The following NEXMIF variants were observed in gnomAD, a reference collection of about 807,000 sequenced individuals.
The protein encoded by NEXMIF is XLMR protein related to neurite extension.
A neutral mutation model predicts 62.1 loss-of-function variants in NEXMIF; 8 were observed. The observed-to-expected ratio is 0.13, with a 90% CI of 0.08 to 0.23. The LOEUF (loss-of-function observed/expected upper bound fraction) is 0.23. NEXMIF is among the 10% of genes least tolerant of loss of function. The probability of loss-of-function intolerance (pLI) is 1.00; values close to 1 mark genes in which losing one functional copy is unlikely to be tolerated. For missense variants in NEXMIF, 976 were observed against 1,113.3 expected (o/e 0.88, Z 1.75); for synonymous variants, 404 against 416.6 (o/e 0.97, Z 0.37).
At chrX:74,856,808 T>TC (rs2080536699) in intron 1 of NEXMIF, among the ~76,000 whole-genome samples, 2 of 111,782 alleles carry the variant, frequency 1.8e-5, no homozygotes, top group South Asian at 7.6e-4. Context: ...CCTCCCCCAT[T>TC]CCCCCAGCAG....
At chrX:74,827,528 C>T (rs1377941789) in intron 1 of NEXMIF, among the ~76,000 whole-genome samples, 1 of 112,339 alleles carries the variant, frequency 8.9e-6, no homozygotes, top group Non-Finnish European at 1.9e-5. Context: ...GCCTTAGTTT[C>T]ATTGCCCAGG....
At chrX:74,919,559 T>C (rs1163688447) in intron 1 of NEXMIF, among the ~76,000 whole-genome samples, 1 of 111,444 alleles carries the variant, frequency 9.0e-6, no homozygotes, top group African/African-American at 3.3e-5. Flanking sequence ...TCACTCTACT[T>C]ATAGTCCTCC....
chrX:74,788,299 A>T (rs2080267085), intron 1 of NEXMIF, among the ~76,000 whole-genome samples: 1 of 112,020 alleles, frequency 8.9e-6, no homozygotes, highest in African/African-American at 3.2e-5. Context: ...CAGATTTATT[A>T]ATGTATGATG....
intron 1 of NEXMIF, among the ~76,000 whole-genome samples, chrX:74,796,701 C>T (rs1010785248): frequency 4.5e-5 from 5 of 110,956 alleles, no homozygotes; most frequent in African/African-American, 1.6e-4. Context: ...AAGGTAGTAT[C>T]GGATTAAAGC....
intron 1 of NEXMIF, among the ~76,000 whole-genome samples, chrX:74,877,226 T>G (rs1462915154): frequency 2.7e-5 from 3 of 110,857 alleles, no homozygotes; most frequent in South Asian, 7.7e-4. Flanking sequence ...ATCTGTAAAG[T>G]ATTTTATTTC....
chrX:74,810,539 C>A (rs1326586209), intron 1 of NEXMIF, among the ~76,000 whole-genome samples: 2 of 108,446 alleles, frequency 1.8e-5, no homozygotes, highest in African/African-American at 3.4e-5. Context: ...GCTTGTAATC[C>A]CAGCTCTTTG....
intron 1 of NEXMIF, among the ~76,000 whole-genome samples, chrX:74,792,215 C>A (rs1401338373): frequency 9.0e-6 from 1 of 111,494 alleles, no homozygotes; most frequent in East Asian, 2.8e-4. Context: ...TTTATTTCTG[C>A]CTTCATTTCG....
At chrX:74,844,000 T>A (rs1048065533) in intron 1 of NEXMIF, among the ~76,000 whole-genome samples, 20 of 112,167 alleles carry the variant, frequency 1.8e-4, no homozygotes, top group African/African-American at 6.2e-4. Flanking sequence ...CCTCAACATT[T>A]GCTTATCTGA....
chrX:74,859,199 C>G, intron 1 of NEXMIF, among the ~76,000 whole-genome samples: 1 of 110,974 alleles, frequency 9.0e-6, no homozygotes, highest in East Asian at 2.8e-4. Context: ...CAAAAGAATA[C>G]CTCAAAGCAT....
intron 1 of NEXMIF, among the ~76,000 whole-genome samples, chrX:74,851,081 C>A (rs745922827): frequency 9.2e-6 from 1 of 108,638 alleles, no homozygotes; most frequent in African/African-American, 3.3e-5. Context: ...AAAAAAAATA[C>A]ATTCTAAAGC....
chrX:74,914,674 C>T (rs767967931), intron 1 of NEXMIF, among the ~76,000 whole-genome samples: 21 of 111,430 alleles, frequency 1.9e-4, no homozygotes, highest in Admixed American at 1.1e-3. Flanking sequence ...GAGAAAGTCT[C>T]CGCCCCACTC....
intron 1 of NEXMIF, among the ~76,000 whole-genome samples, chrX:74,775,403 G>A (rs775642472): frequency 3.6e-5 from 4 of 111,724 alleles, no homozygotes; most frequent in Admixed American, 9.5e-5. Flanking sequence ...AGACAGAGCC[G>A]TAAATATGAT....
chrX:74,905,897 C>T (rs6647571), intron 1 of NEXMIF, among the ~76,000 whole-genome samples: 16,275 of 111,288 alleles, frequency 0.15, 1,788 homozygotes, highest in East Asian at 0.91. Flanking sequence ...ATTTCTTTTC[C>T]CTATTTTTCA....
At chrX:74,858,819 G>T (rs1282565740) in intron 1 of NEXMIF, among the ~76,000 whole-genome samples, 2 of 109,761 alleles carry the variant, frequency 1.8e-5, no homozygotes, top group African/African-American at 6.6e-5. Context: ...CAAAGAGATT[G>T]AAATAATTAA....
Position 74,741,632 on chromosome X carries a change from G to A in NEXMIF, c.2925C>T (p.Cys975=). 1 of 1,211,463 alleles carries A rather than the reference G, an allele frequency of 8.3e-7. No individual in the cohort carries two copies. Among genetic ancestry groups the A allele is most frequent in the Non-Finnish European group, 1.1e-6 (1 of 895,095 alleles). The change falls in exon 3 of 4, where the codon TGC becomes TGT. Residue 975 remains cysteine (C), a synonymous_variant. Coordinates refer to ENST00000055682, the MANE Select transcript of NEXMIF (RefSeq NM_001008537.3). ...QLCHFNNGEI[C]FPFQQGPVNM... ...TGACTGGCCCCTGCTGGAAAGGAAAGCAGATCTCTCCATTATTAAAGTGAC... is the reference window on the plus strand; with the variant it reads ...TGACTGGCCCCTGCTGGAAAGGAAAACAGATCTCTCCATTATTAAAGTGAC...
intron 1 of NEXMIF, among the ~76,000 whole-genome samples, chrX:74,790,653 G>A (rs1355986005): frequency 8.8e-6 from 1 of 113,441 alleles, no homozygotes; most frequent in Non-Finnish European, 1.9e-5. Flanking sequence ...TTATTTCATT[G>A]AGCAGTAGTT....
chrX:74,755,120 GA>G (rs1486397203), intron 1 of NEXMIF, among the ~76,000 whole-genome samples: 1 of 112,417 alleles, frequency 8.9e-6, no homozygotes, highest in Non-Finnish European at 1.9e-5. Context: ...GTTCAACACT[GA>G]AGAAGGTCTG....
At chrX:74,835,472 G>A (rs1197592136) in intron 1 of NEXMIF, among the ~76,000 whole-genome samples, 2 of 111,505 alleles carry the variant, frequency 1.8e-5, no homozygotes, top group Non-Finnish European at 3.8e-5. Context: ...AGTATTTTAA[G>A]AGACTGGACC....
chrX:74,816,782 T>TC (rs2080377522), intron 1 of NEXMIF, among the ~76,000 whole-genome samples: 2 of 111,909 alleles, frequency 1.8e-5, no homozygotes, highest in South Asian at 7.5e-4. Flanking sequence ...AATACCCCTA[T>TC]CACAAGTAAC....
Sources: allele counts gnomAD v4.1 joint callset (sites outside exome capture counted in the v4.1 genomes callset), GRCh38; gene constraint gnomAD v4.1.1; transcripts MANE v1.5; gene names NCBI Gene and HGNC (gene_info 2026-07-23, HGNC 2026-07-21).